Variants in ROPN1L observed in about 807,000 individuals in gnomAD.
The protein encoded by ROPN1L is rhophilin associated tail protein 1 like, also known as ropporin-1-like protein.
In ROPN1L, 23 loss-of-function variants were observed where a neutral mutation model predicts 22.7. That is an observed-to-expected ratio of 1.01 (90% CI 0.73 to 1.43). The LOEUF (loss-of-function observed/expected upper bound fraction) is 1.43, where lower values mean the gene tolerates loss of function less well. ROPN1L is among the 40% of genes most tolerant of loss of function. The pLI, the probability that ROPN1L is intolerant of heterozygous loss-of-function variation, is 0.00. For missense variants in ROPN1L, 271 were observed against 291.5 expected (o/e 0.93, Z 0.51); for synonymous variants, 116 against 117.8 (o/e 0.98, Z 0.10).
intron 4 of ROPN1L, among the ~76,000 whole-genome samples, chr5:10,470,608 G>T (rs755961877): frequency 6.6e-6 from 1 of 152,258 alleles, no homozygotes; most frequent in African/African-American, 2.4e-5. Flanking sequence ...CTTTCCCCGA[G>T]GTTGGAGCAG....
intron 3 of ROPN1L, among the ~76,000 whole-genome samples, chr5:10,452,083 T>A (rs1365993924): frequency 6.6e-6 from 1 of 152,028 alleles, no homozygotes; most frequent in Non-Finnish European, 1.5e-5. Context: ...CAGGTTCAAG[T>A]GATTCTCCTG....
At position 10,463,639 on chromosome 5, in the gene ROPN1L, G is replaced by T. The variant is rs185567750; in HGVS notation, c.594-1209G>T. 1.2e-4 allele frequency among the ~76,000 whole-genome samples: 18 copies of T among 152,274 alleles called. No individual in the cohort carries two copies. The East Asian group carries it at 2.7e-3, about 23-fold the overall frequency. ...CCCTGAGCCCCACACCTCTCATCTC[G>T]AATTGCCCACAGTACAGTTTATTGA... On this transcript the variant is annotated intron_variant, in intron 4 of 4. Transcript: ENST00000274134.
intron 3 of ROPN1L, among the ~76,000 whole-genome samples, chr5:10,459,346 G>A (rs1734960995): frequency 6.7e-6 from 1 of 149,842 alleles, no homozygotes; most frequent in Non-Finnish European, 1.5e-5. Flanking sequence ...CTGGGTTCCT[G>A]CCTTCCACCC....
chr5:10,471,262 C>T lies in ROPN1L; in HGVS notation n.886-548C>T, dbSNP rs540769313. Among the ~76,000 whole-genome samples, 44 of 152,100 alleles carry T rather than the reference C, an allele frequency of 2.9e-4. 1 individual carries two copies. The South Asian group carries it at 7.7e-3, about 27-fold the overall frequency. On this transcript the variant is annotated intron_variant and non_coding_transcript_variant, in intron 4 of 4. Coordinates refer to the ROPN1L transcript ENST00000510520. The stretch of plus-strand genomic sequence containing the variant: ...AAGAGATTCTCCTGCCTCAGCTTCC[C>T]GAGTAGCTGGTACCACAGGCACAAG...
chr5:10,466,963 G>A (rs984245917), downstream of ROPN1L, among the ~76,000 whole-genome samples: 4 of 152,074 alleles, frequency 2.6e-5, no homozygotes, highest in African/African-American at 4.8e-5. Flanking sequence ...GTGCCTCTCC[G>A]TGTCCTCGTT....
At chr5:10,478,378 A>G in the ROPN1L span, among the ~76,000 whole-genome samples, 4 of 152,196 alleles carry the variant, frequency 2.6e-5, no homozygotes, top group Non-Finnish European at 5.9e-5. Context: ...CTTCCGCAAC[A>G]GAGATTTATT....
intron 2 of ROPN1L, among the ~76,000 whole-genome samples, chr5:10,448,731 C>T (rs558915602): frequency 1.3e-5 from 2 of 152,332 alleles, no homozygotes; most frequent in South Asian, 2.1e-4. Flanking sequence ...AGTCCGTTCT[C>T]CAGGTGTGTG....
chr5:10,460,046 G>A (rs977828542), intron 3 of ROPN1L, among the ~76,000 whole-genome samples: 3 of 152,180 alleles, frequency 2.0e-5, no homozygotes, highest in African/African-American at 4.8e-5. Context: ...TGGCAAGGAC[G>A]GCCTTCACAG....
Position 10,442,040 on chromosome 5 carries a change from C to T in ROPN1L, c.-128C>T. ...GCGAATCCGGCCCCAACCTCGGGAA[C>T]GGGATGGGAGGCGGCCCTGGCCGCA... On this transcript the variant is annotated 5_prime_UTR_variant, in exon 1 of 5. The change creates a new upstream start codon in the 5' untranslated region. Transcript: ENST00000274134. 3 of 1,320,630 alleles carry T rather than the reference C, an allele frequency of 2.3e-6. No individual in the cohort carries two copies. The highest frequency in any genetic ancestry group is 2.8e-5 in the South Asian group (2 of 72,114). The allele number at this position is 1,320,630 out of a possible 1,614,324, so 81.8% of individuals were successfully genotyped here. A position where few individuals can be genotyped will look rare whatever the true frequency, so the allele number is the denominator to read the frequency against.
chr5:10,442,734 C>A (rs1414068754), intron 1 of ROPN1L, among the ~76,000 whole-genome samples: 2 of 152,222 alleles, frequency 1.3e-5, no homozygotes, highest in African/African-American at 4.8e-5. Context: ...GCTATGTATA[C>A]CCAGAGCTGG....
chr5:10,450,742 G>C (rs1741226965), intron 3 of ROPN1L, among the ~76,000 whole-genome samples: 1 of 152,212 alleles, frequency 6.6e-6, no homozygotes, highest in African/African-American at 2.4e-5. Context: ...GACCTCAGGT[G>C]ATCTGCCCAC....
intron 4 of ROPN1L, among the ~76,000 whole-genome samples, chr5:10,470,202 A>G (rs1735222588): frequency 6.6e-6 from 1 of 152,242 alleles, no homozygotes; most frequent in Non-Finnish European, 1.5e-5. Flanking sequence ...TAGCATCTCA[A>G]GAATGAAATG....
In ROPN1L at chr5:10,449,983, A is replaced by AT. The variant is rs758393698; in HGVS notation, c.288dup (p.Leu97SerfsTer2). On this transcript the variant is annotated frameshift_variant, in exon 3 of 5. Transcript: ENST00000274134. LOFTEE classifies it high-confidence loss of function. The stretch of plus-strand genomic sequence containing the variant: ...CACAAGCGGTATGTGGAATTAACAG[A>AT]TCTTGAGCAGAAGTGGAAGAACTTG... 4.3e-6 allele frequency: 7 copies of AT among 1,613,822 alleles called. No homozygotes were observed. The Admixed American group carries it at 1.2e-4, about 27-fold the overall frequency.
rs745666898 is a variant in ROPN1L at position 10,461,236 on chromosome 5, A to G, written c.470A>G (p.Glu157Gly). 29 of 1,613,998 alleles carry G rather than the reference A, an allele frequency of 1.8e-5. No homozygotes were observed. The highest frequency in any genetic ancestry group is 2.2e-5 in the Non-Finnish European group (26 of 1,180,032). The change falls in exon 4 of 5, where the codon GAG becomes GGG. Residue 157 changes from glutamate (E) to glycine (G), a missense_variant. Transcript: ENST00000274134. ...HLCEILTDDP[E>G]GGPARIPFKT... ...TGCGAGATCCTCACGGACGATCCGG[A>G]GGGCGGGCCCGCTCGCATCCCCTTC... is the stretch of plus-strand genomic sequence containing the variant.
chr5:10,451,657 G>C (rs1182868086), intron 3 of ROPN1L, among the ~76,000 whole-genome samples: 1 of 152,192 alleles, frequency 6.6e-6, no homozygotes, highest in Admixed American at 6.5e-5. Flanking sequence ...GGGAAGCTCC[G>C]TGCCCTCAGG....
chr5:10,460,112 G>A (rs1439704486), intron 3 of ROPN1L, among the ~76,000 whole-genome samples: 1 of 152,148 alleles, frequency 6.6e-6, no homozygotes, highest in Non-Finnish European at 1.5e-5. Flanking sequence ...TGCGGAATTA[G>A]GACACCTGCC....
chr5:10,462,371 A>AG (rs1336407896), intron 4 of ROPN1L, among the ~76,000 whole-genome samples: 1 of 152,230 alleles, frequency 6.6e-6, no homozygotes, highest in Non-Finnish European at 1.5e-5. Context: ...GATAGTATTC[A>AG]GGGTGTGTGT....
chr5:10,468,633 A>G (rs527374654), downstream of ROPN1L, among the ~76,000 whole-genome samples: 1 of 152,354 alleles, frequency 6.6e-6, no homozygotes, highest in South Asian at 2.1e-4. Flanking sequence ...TGTTGAATAA[A>G]ATAAACTGTT....
intron 4 of ROPN1L, among the ~76,000 whole-genome samples, chr5:10,462,128 C>T (rs1026205369): frequency 6.6e-6 from 1 of 152,218 alleles, no homozygotes; most frequent in Non-Finnish European, 1.5e-5. Context: ...AAAGTCCCAC[C>T]CCTCTAATCC....
Sources: gnomAD v4.1 joint callset for allele counts (sites outside exome capture counted in the v4.1 genomes callset) on GRCh38, gnomAD v4.1.1 for gene constraint, MANE v1.5 for transcripts, NCBI Gene and HGNC (gene_info 2026-07-23, HGNC 2026-07-21) for gene names.